Variants in HARS1 observed in about 807,000 individuals in gnomAD.
The protein encoded by HARS1 is histidyl-tRNA synthetase 1.
HARS1 carries 45 observed loss-of-function variants against 63.6 expected under a neutral mutation model. The observed-to-expected ratio is 0.71, with a 90% confidence interval of 0.56 to 0.91. The LOEUF is 0.91. HARS1 is among the 40% of genes least tolerant of loss of function. The pLI, the probability that HARS1 is intolerant of heterozygous loss-of-function variation, is 0.00. For synonymous variants in HARS1, 205 were observed against 247.1 expected (o/e 0.83, Z 1.60); for missense variants, 508 against 643.2 (o/e 0.79, Z 2.27).
intron 2 of HARS1, among the ~76,000 whole-genome samples, chr5:140,686,783 G>A (rs1476590888): frequency 6.6e-6 from 1 of 150,578 alleles, no homozygotes. Flanking sequence ...AGTAGAGATG[G>A]GGTTTCTCTA....
intron 2 of HARS1, among the ~76,000 whole-genome samples, chr5:140,689,612 T>TA (rs1759250007): frequency 6.6e-6 from 1 of 152,200 alleles, no homozygotes; most frequent in Admixed American, 6.5e-5. Context: ...TTTTTTTTCT[T>TA]AATCGTTTCT....
chr5:140,680,437 G>T (rs766096227), intron 3 of HARS1, among the ~76,000 whole-genome samples: 4 of 152,062 alleles, frequency 2.6e-5, no homozygotes, highest in African/African-American at 4.8e-5. Flanking sequence ...GAGCCACAGC[G>T]CCCGGCCTGA....
At chr5:140,683,059 C>T (rs1758816137) in intron 3 of HARS1, 41 bp downstream of exon 3, 3 of 1,588,028 alleles carry the variant, frequency 1.9e-6, no homozygotes, top group South Asian at 1.1e-5. Context: ...ATTCAAATGC[C>T]CACTCATCTA....
Position 140,679,392 on chromosome 5 carries a change from C to T in HARS1, c.397-265G>A. 1 of 428,834 alleles carries T rather than the reference C, an allele frequency of 2.3e-6. No individual in the cohort carries two copies. Among genetic ancestry groups the T allele is most frequent in the Non-Finnish European group, 4.1e-6 (1 of 241,226 alleles). The allele number at this position is 428,834 out of a possible 1,614,324, so 26.6% of individuals were successfully genotyped here. A position where few individuals can be genotyped will look rare whatever the true frequency, so the allele number is the denominator to read the frequency against. The stretch of plus-strand genomic sequence containing the variant: ...GGCAAGGGGCTGGGCAGGTTGGCCA[C>T]AGACCAGAAAAAGGCGACCAGAAAA... On this transcript the variant is annotated intron_variant, in intron 4 of 12. Coordinates refer to ENST00000504156, the MANE Select transcript of HARS1 (RefSeq NM_002109.6). This position sits in a 1 kb window ranked among gnomAD's most constrained non-coding sequence, Gnocchi z 4.3.
chr5:140,677,084 C>A lies in HARS1; in HGVS notation c.856G>T (p.Asp286Tyr). 5 of 1,614,154 alleles carry A rather than the reference C, an allele frequency of 3.1e-6. No individual in the cohort carries two copies. Among genetic ancestry groups the A allele is most frequent in the Non-Finnish European group, 4.2e-6 (5 of 1,179,988 alleles). ...TGCTTGTTTTGGGATAGTTTAGGAT[C>A]CTGGAGCAGCTGTTCCACCAGGGAT... ...GVSLVEQLLQ[D>Y]PKLSQNKQAL... Residue 286 changes from aspartate to tyrosine, a missense_variant, in exon 9 of 13, where the codon GAT (aspartate) becomes TAT (tyrosine). Transcript: ENST00000504156.
Position 140,675,127 on chromosome 5 carries a change from C to G in HARS1, c.1201G>C (p.Glu401Gln), listed in dbSNP as rs552434037. The change falls in exon 11 of 13, where the codon GAG becomes CAG. Residue 401 changes from glutamate (E) to glutamine (Q), a missense_variant. This residue lies in a region of HARS1 where 403 missense variants were observed against 548.7 expected (regional missense o/e 0.73). Coordinates refer to ENST00000504156, the MANE Select transcript of HARS1 (RefSeq NM_002109.6). The part of the protein sequence containing the change: ...SIVEQRLEAL[E>Q]EKIRTTETQV... ...GTCTCCGTGGTCCGTATCTTCTCCT[C>G]CAAAGCCTGGGGAAGGGGCAGATAA... 9 of 1,600,856 alleles carry G rather than the reference C, an allele frequency of 5.6e-6. No homozygotes were observed. In the Admixed American group the frequency reaches 1.5e-4, roughly 27 times the overall value.
intron 3 of HARS1, among the ~76,000 whole-genome samples, chr5:140,681,708 G>A (rs1322383065): frequency 6.6e-6 from 1 of 151,566 alleles, no homozygotes; most frequent in Non-Finnish European, 1.5e-5. Context: ...CCATCTACAA[G>A]CCATGGAGAG....
In HARS1 at chr5:140,690,872, C is replaced by G; in HGVS notation, c.163G>C (p.Val55Leu). Reference sequence around the variant, plus strand: ...GATATTACCTTGGGGGTTTTGAGCACAAATTTCTGTTTGCTTTCATCAGGA... The same window carrying G: ...GATATTACCTTGGGGGTTTTGAGCAGAAATTTCTGTTTGCTTTCATCAGGA... ...LGPDESKQKF[V>L]LKTPKGTRDY... The change falls in exon 2 of 13, where the codon GTG (valine) becomes CTG (leucine). Residue 55 changes from valine (V) to leucine (L), a missense_variant. By Grantham distance (32) the Val-to-Leu change is conservative (BLOSUM62 1). Around this residue, in one of 2 missense-constraint regions of HARS1, gnomAD observed 105 missense variants for 94.5 expected, o/e 1.11. Coordinates refer to ENST00000504156, the MANE Select transcript of HARS1 (RefSeq NM_002109.6). 6.2e-7 allele frequency: 1 copy of G among 1,600,622 alleles called. No homozygotes were observed. The highest frequency in any genetic ancestry group is 8.6e-7 in the Non-Finnish European group (1 of 1,167,628).
Position 140,676,595 on chromosome 5 carries a change from A to G in HARS1, c.1194+59T>C. 1.3e-6 allele frequency: 2 copies of G among 1,564,290 alleles called. No homozygotes were observed. The highest frequency in any genetic ancestry group is 2.3e-5 in the South Asian group (2 of 86,882). On this transcript the variant is annotated intron_variant, in intron 10 of 12. Transcript: ENST00000504156. This position sits in a 1 kb window ranked among gnomAD's most constrained non-coding sequence, Gnocchi z 4.1. Reference sequence around the variant, plus strand: ...AGCACCACTTGCTCCCTTGGAGATCAGATAGCTTAGGTGCCACCACCTGCT... The same window carrying G: ...AGCACCACTTGCTCCCTTGGAGATCGGATAGCTTAGGTGCCACCACCTGCT...
Position 140,691,214 on chromosome 5 carries a change from C to G in HARS1, c.90+1G>C, listed in dbSNP as rs1554109203. On this transcript the variant is annotated splice_donor_variant, in intron 1 of 12. Transcript: ENST00000504156. LOFTEE classifies it high-confidence loss of function. ...CCTCTCCCCTGCTGCCTAAATCTCA[C>G]CAGCTCGGCGCTGGCCTTCTGCTGC... is the stretch of plus-strand genomic sequence containing the variant. 2 of 1,598,606 alleles carry G rather than the reference C, an allele frequency of 1.3e-6. No individual in the cohort carries two copies. Among genetic ancestry groups the G allele is most frequent in the Non-Finnish European group, 1.7e-6 (2 of 1,173,776 alleles).
intron 2 of HARS1, 104 bp downstream of exon 2, chr5:140,690,751 C>A: frequency 1.3e-6 from 1 of 764,958 alleles, no homozygotes; most frequent in Non-Finnish European, 2.4e-6. Flanking sequence ...TCCTCTGCAG[C>A]ATTTCAGATC....
At chr5:140,686,859 C>G (rs992697560) in intron 2 of HARS1, among the ~76,000 whole-genome samples, 2 of 152,194 alleles carry the variant, frequency 1.3e-5, no homozygotes, top group Non-Finnish European at 2.9e-5. Context: ...TCCCAAAGTG[C>G]TGGGATTATA....
At position 140,676,630 on chromosome 5, in the gene HARS1, T is replaced by C; in HGVS notation, c.1194+24A>G. The C allele has an allele frequency of 6.2e-7, 1 of 1,610,062 alleles. No individual in the cohort carries two copies. ...GGTGCCACCACCTGCTCAGACTATC[T>C]TCTACCTACCTCCTAGGACCTACCT... On this transcript the variant is annotated intron_variant, in intron 10 of 12. Coordinates refer to ENST00000504156, the MANE Select transcript of HARS1 (RefSeq NM_002109.6). The surrounding 1 kb of genome is among the most constrained non-coding windows in gnomAD (Gnocchi z 4.1).
chr5:140,684,280 A>T, intron 2 of HARS1: 3 of 831,886 alleles, frequency 3.6e-6, no homozygotes, highest in Non-Finnish European at 4.3e-6. Flanking sequence ...ACAGAGCAAG[A>T]CTCTGTCAAA....
At chr5:140,683,370 T>A in intron 2 of HARS1, 151 bp from the exon 3 acceptor site, 1 of 942,780 alleles carries the variant, frequency 1.1e-6, no homozygotes, top group Non-Finnish European at 1.5e-6. Context: ...TTAAAACAAG[T>A]ACAAATAATT....
At position 140,674,253 on chromosome 5, in the gene HARS1, C is replaced by G. The variant is rs1026520403; in HGVS notation, c.*4G>C. ...ACTTCCTTTCCTCTGATAGTTTGTT[C>G]AGTTCAGCAGATGCAGAGGGGCTGG... On this transcript the variant is annotated 3_prime_UTR_variant, in exon 13 of 13. Coordinates refer to ENST00000504156, the MANE Select transcript of HARS1 (RefSeq NM_002109.6). 2 of 1,582,964 alleles carry G rather than the reference C, an allele frequency of 1.3e-6. No individual in the cohort carries two copies. Among genetic ancestry groups the G allele is most frequent in the East Asian group, 4.5e-5 (2 of 44,730 alleles).
chr5:140,686,965 T>C (rs953018926), intron 2 of HARS1, among the ~76,000 whole-genome samples: 5 of 152,356 alleles, frequency 3.3e-5, no homozygotes, highest in East Asian at 1.9e-4. Flanking sequence ...TGTCAGATGT[T>C]TTCCTTGAGG....
Position 140,683,505 on chromosome 5 carries a change from C to T in HARS1, c.181-286G>A, listed in dbSNP as rs1020345539. 3.2e-5 allele frequency: 38 copies of T among 1,185,486 alleles called. No individual in the cohort carries two copies. In the African/African-American group the frequency reaches 4.4e-4, roughly 14 times the overall value. 73.4% of individuals were successfully genotyped at this position (1,185,486 alleles called of 1,614,324 possible). On this transcript the variant is annotated intron_variant, in intron 2 of 12. Transcript: ENST00000504156. The stretch of plus-strand genomic sequence containing the variant: ...AGCCATTTTTCTAAACACTCTCTCT[C>T]AGATAACAGAACATTTCCTGGCCTA...
chr5:140,690,836 C>A lies in HARS1; in HGVS notation c.180+19G>T. 1 of 1,376,496 alleles carries A rather than the reference C, an allele frequency of 7.3e-7. No homozygotes were observed. The highest frequency in any genetic ancestry group is 1.2e-5 in the South Asian group (1 of 86,400). The allele number at this position is 1,376,496 out of a possible 1,614,324, so 85.3% of individuals were successfully genotyped here. On this transcript the variant is annotated intron_variant, in intron 2 of 12. Coordinates refer to ENST00000504156, the MANE Select transcript of HARS1 (RefSeq NM_002109.6). Reference sequence around the variant, plus strand: ...GAGTTAGAGACTTTCTCAGTGGCTCCCTACAGGAATGATATTACCTTGGGG... The same window carrying A: ...GAGTTAGAGACTTTCTCAGTGGCTCACTACAGGAATGATATTACCTTGGGG...
Sources: allele counts gnomAD v4.1 joint callset (sites outside exome capture counted in the v4.1 genomes callset), GRCh38; gene constraint gnomAD v4.1.1; regional missense constraint gnomAD v4.1.1; non-coding constraint Gnocchi (gnomAD v3.1); transcripts MANE v1.5; gene names NCBI Gene and HGNC (gene_info 2026-07-23, HGNC 2026-07-21).